The following DOK6 variants were observed in gnomAD, a reference collection of about 807,000 sequenced individuals.
DOK6 encodes downstream of tyrosine kinase 6.
Under a neutral mutation model 44.0 loss-of-function variants are expected in DOK6, and 22 were observed. That is an observed-to-expected ratio of 0.50 (90% CI 0.36 to 0.71). The LOEUF is 0.71. Ranked by LOEUF, DOK6 falls within the 30% of genes least tolerant of loss-of-function variation. The probability of loss-of-function intolerance (pLI) is 0.00; values close to 1 mark genes in which losing one functional copy is unlikely to be tolerated. For missense variants in DOK6, 340 were observed against 416.4 expected, an observed-to-expected ratio of 0.82 and a Z score of 1.60; for synonymous variants, 166 against 145.5, an observed-to-expected ratio of 1.14 and a Z score of -1.01.
At chr18:69,549,095 CA>C (rs370363528) in intron 1 of DOK6, among the ~76,000 whole-genome samples, 2,241 of 132,470 alleles carry the variant, frequency 0.017, 67 homozygotes, top group African/African-American at 0.057. Context: ...GACTCCGTCT[CA>C]AAAAAAAAAA....
At chr18:69,560,784 G>A (rs896956501) in intron 1 of DOK6, among the ~76,000 whole-genome samples, 1 of 152,010 alleles carries the variant, frequency 6.6e-6, no homozygotes, top group African/African-American at 2.4e-5. Context: ...ACACTTAATT[G>A]TCCGTAGCTA....
intron 5 of DOK6, among the ~76,000 whole-genome samples, chr18:69,703,241 G>C (rs7240140): frequency 6.6e-6 from 1 of 151,932 alleles, no homozygotes; most frequent in East Asian, 1.9e-4. Context: ...TTTTCATGGA[G>C]GCCTTTGCTA....
At chr18:69,822,605 A>T (rs11875162) in intron 7 of DOK6, among the ~76,000 whole-genome samples, 39,927 of 152,106 alleles carry the variant, frequency 0.26, 5,253 homozygotes, top group Non-Finnish European at 0.27. Context: ...TGTACTGGAA[A>T]AAACAAATCT....
chr18:69,612,425 G>T, intron 3 of DOK6, among the ~76,000 whole-genome samples: 1 of 147,360 alleles, frequency 6.8e-6, no homozygotes, highest in Middle Eastern at 3.5e-3. Flanking sequence ...ATGTGTGCGA[G>T]GGCGCATGTG....
At chr18:69,730,779 T>C (rs1978373746) in intron 5 of DOK6, among the ~76,000 whole-genome samples, 1 of 152,290 alleles carries the variant, frequency 6.6e-6, no homozygotes, top group African/African-American at 2.4e-5. Context: ...ATGATTTCAG[T>C]AAATTTTAAT....
At chr18:69,407,850 T>A (rs1978291506) in intron 1 of DOK6, among the ~76,000 whole-genome samples, 1 of 152,220 alleles carries the variant, frequency 6.6e-6, no homozygotes, top group Non-Finnish European at 1.5e-5. Flanking sequence ...ATTTTTGGCT[T>A]AACAGTAAAA....
intron 1 of DOK6, among the ~76,000 whole-genome samples, chr18:69,506,579 G>A (rs1445065942): frequency 6.6e-6 from 1 of 151,768 alleles, no homozygotes; most frequent in Middle Eastern, 3.2e-3. Context: ...TTTATCAGTG[G>A]GTCACTTCTT....
At position 69,809,940 on chromosome 18, in the gene DOK6, A is replaced by G. The variant is rs1030444020; in HGVS notation, c.857-31304A>G. ...TATCTACAGACTCAATGCCATATCT[A>G]TCAAAATTCCAATGACATTTTTTAT... On this transcript the variant is annotated intron_variant, in intron 7 of 7. Transcript: ENST00000382713. 2.0e-5 allele frequency among the ~76,000 whole-genome samples: 3 copies of G among 152,100 alleles called. No homozygotes were observed. In the East Asian group the frequency reaches 5.8e-4, roughly 29 times the overall value.
At chr18:69,495,732 A>G (rs150244587) in intron 1 of DOK6, among the ~76,000 whole-genome samples, 13 of 152,246 alleles carry the variant, frequency 8.5e-5, no homozygotes, top group African/African-American at 2.9e-4. Context: ...GCTGCCATTC[A>G]TGGCATCCAG....
intron 7 of DOK6, among the ~76,000 whole-genome samples, chr18:69,788,075 G>T (rs1980486571): frequency 6.6e-6 from 1 of 152,132 alleles, no homozygotes; most frequent in South Asian, 2.1e-4. Flanking sequence ...GGGGACAAGG[G>T]TTTTAAATGG....
rs1403461726 is a variant in DOK6 at position 69,845,458 on chromosome 18, C to T, written c.*4075C>T. On this transcript the variant is annotated 3_prime_UTR_variant, in exon 8 of 8. Coordinates refer to ENST00000382713, the MANE Select transcript of DOK6 (RefSeq NM_152721.6). ...TCTCAAAATCGATAAAAATTTGCCA[C>T]TGAATATGCATTAATAGCTATAACA... 2 of 152,148 alleles carry T rather than the reference C, an allele frequency of 1.3e-5. No homozygotes were observed. The highest frequency in any genetic ancestry group is 1.9e-4 in the East Asian group (1 of 5,202). 9.4% of individuals were successfully genotyped at this position (152,148 alleles called of 1,614,324 possible). A position where few individuals can be genotyped will look rare whatever the true frequency, so the allele number is the denominator to read the frequency against.
chr18:69,402,175 G>A (rs1916115090), intron 1 of DOK6, among the ~76,000 whole-genome samples: 4 of 152,152 alleles, frequency 2.6e-5, no homozygotes, highest in Admixed American at 2.6e-4. Flanking sequence ...GATGTAGGGT[G>A]GCCTGGGAGG....
At chr18:69,431,395 A>G (rs1978803010) in intron 1 of DOK6, among the ~76,000 whole-genome samples, 1 of 152,042 alleles carries the variant, frequency 6.6e-6, no homozygotes, top group African/African-American at 2.4e-5. Context: ...TAACTTAGCA[A>G]CTCTAGGCAA....
At chr18:69,785,555 C>T (rs781211683) in intron 7 of DOK6, among the ~76,000 whole-genome samples, 3 of 152,054 alleles carry the variant, frequency 2.0e-5, no homozygotes, top group Non-Finnish European at 4.4e-5. Flanking sequence ...TTTTTTTCCC[C>T]TAAATTGTAC....
intron 1 of DOK6, among the ~76,000 whole-genome samples, chr18:69,527,948 G>C (rs1024536790): frequency 2.6e-5 from 4 of 152,152 alleles, no homozygotes; most frequent in Non-Finnish European, 4.4e-5. Context: ...CGGATCACGA[G>C]GTCAGGAGAT....
intron 3 of DOK6, among the ~76,000 whole-genome samples, chr18:69,653,458 T>C (rs1447490315): frequency 2.6e-5 from 4 of 152,094 alleles, no homozygotes; most frequent in Non-Finnish European, 1.5e-5. Flanking sequence ...TGGTAGGTAA[T>C]CACTAAGGGG....
At position 69,593,710 on chromosome 18, in the gene DOK6, T is replaced by A. The variant is rs1449555679; in HGVS notation, c.175-5674T>A. ...CATTAGCTTATTTTGTCAATTTTTATTATAAGAGGACAAAAAAATAGAAAT... is the reference window on the plus strand; with the variant it reads ...CATTAGCTTATTTTGTCAATTTTTAATATAAGAGGACAAAAAAATAGAAAT... On this transcript the variant is annotated intron_variant, in intron 2 of 7. Transcript: ENST00000382713. 2.0e-5 allele frequency among the ~76,000 whole-genome samples: 3 copies of A among 152,192 alleles called. No individual in the cohort carries two copies. The East Asian group carries it at 5.8e-4, about 29-fold the overall frequency.
rs1350576640 is a variant in DOK6, at chr18:69,782,232, G to C, written c.856+24359G>C. ...AAGATTTTTTTTTTTTTTTTTTTGAGATGGTGTCTCGCTCTGTCACCCAGG... is the reference window on the plus strand; with the variant it reads ...AAGATTTTTTTTTTTTTTTTTTTGACATGGTGTCTCGCTCTGTCACCCAGG... On this transcript the variant is annotated intron_variant, in intron 7 of 7. Transcript: ENST00000382713. Among the ~76,000 whole-genome samples, 3 of 127,874 alleles carry C rather than the reference G, an allele frequency of 2.3e-5. No homozygotes were observed. In the East Asian group the frequency reaches 7.0e-4, roughly 30 times the overall value. 83.9% of individuals were successfully genotyped at this position (127,874 alleles called of 152,430 possible).
intron 7 of DOK6, among the ~76,000 whole-genome samples, chr18:69,759,745 A>G (rs1274667604): frequency 6.6e-6 from 1 of 152,198 alleles, no homozygotes; most frequent in Admixed American, 6.5e-5. Context: ...ACTGATTGAA[A>G]TACTCTCACT....
Sources: allele counts gnomAD v4.1 joint callset (sites outside exome capture counted in the v4.1 genomes callset), GRCh38; gene constraint gnomAD v4.1.1; transcripts MANE v1.5; gene names NCBI Gene and HGNC (gene_info 2026-07-23, HGNC 2026-07-21).